LAMA3: variants seen among roughly 807,000 people sequenced by gnomAD.
LAMA3 encodes laminin subunit alpha-3.
A neutral mutation model predicts 402.0 loss-of-function variants in LAMA3; 281 were observed. That is an observed-to-expected ratio of 0.70 (90% CI 0.63 to 0.77). The LOEUF is 0.77. Ranked by LOEUF, LAMA3 falls within the 30% of genes least tolerant of loss-of-function variation. The pLI is 0.00. For missense variants in LAMA3, 3,840 were observed against 4,215.5 expected (o/e 0.91, Z 2.47); for synonymous variants, 1,431 against 1,558.4 (o/e 0.92, Z 1.93).
chr18:23,706,162 C>T (rs976633723), intron 1 of LAMA3, among the ~76,000 whole-genome samples: 2 of 152,030 alleles, frequency 1.3e-5, no homozygotes, highest in African/African-American at 4.8e-5. Context: ...TTCATTTACT[C>T]ATTATTGCTT....
intron 11 of LAMA3, among the ~76,000 whole-genome samples, chr18:23,778,897 C>A (rs2143939672): frequency 6.6e-6 from 1 of 152,254 alleles, no homozygotes. Context: ...CTGGAGGCAG[C>A]CTTGGTGATA....
At chr18:23,928,269 G>A (rs781186890) in intron 63 of LAMA3, 29 bp downstream of exon 63, 92 of 1,418,122 alleles carry the variant, frequency 6.5e-5, no homozygotes, top group Admixed American at 1.0e-4. Context: ...CCTCGTGAAG[G>A]AGTGCTTCCC....
chr18:23,847,742 G>C (rs567258395), intron 32 of LAMA3, 74 bp downstream of exon 32: 5 of 1,452,904 alleles, frequency 3.4e-6, no homozygotes, highest in Non-Finnish European at 4.7e-6. Context: ...ACTGGTCATC[G>C]TCACTTTCCA....
At chr18:23,837,134 A>G in intron 25 of LAMA3, 45 bp downstream of exon 25, 1 of 1,326,496 alleles carries the variant, frequency 7.5e-7, no homozygotes, top group South Asian at 1.2e-5. Flanking sequence ...CATTTTGCTG[A>G]TATCTATATT....
chr18:23,761,081 A>G (rs546945520), intron 7 of LAMA3, among the ~76,000 whole-genome samples: 1 of 152,218 alleles, frequency 6.6e-6, no homozygotes, highest in Admixed American at 6.5e-5. Flanking sequence ...ACATACTTTA[A>G]ATACTCAAGA....
intron 12 of LAMA3, among the ~76,000 whole-genome samples, chr18:23,784,982 A>C (rs2062514360): frequency 6.6e-6 from 1 of 152,232 alleles, no homozygotes; most frequent in Non-Finnish European, 1.5e-5. Flanking sequence ...GGAGTTGTTA[A>C]GAGCCAGAGC....
intron 40 of LAMA3, among the ~76,000 whole-genome samples, chr18:23,883,028 GCT>G (rs2064953250): frequency 6.6e-6 from 1 of 152,190 alleles, no homozygotes; most frequent in Non-Finnish European, 1.5e-5. Context: ...TGGCCACGAG[GCT>G]CCTAGACAAG....
At chr18:23,901,704 T>C (rs536170481) in intron 48 of LAMA3, among the ~76,000 whole-genome samples, 2 of 152,358 alleles carry the variant, frequency 1.3e-5, no homozygotes, top group East Asian at 3.9e-4. Flanking sequence ...TTAATGAACA[T>C]AATTATCATA....
intron 8 of LAMA3, among the ~76,000 whole-genome samples, chr18:23,764,756 T>G (rs2062041319): frequency 6.6e-6 from 1 of 152,184 alleles, no homozygotes; most frequent in Non-Finnish European, 1.5e-5. Context: ...AACATAAAAT[T>G]TACCATTTTA....
chr18:23,808,285 A>C (rs189287954), intron 12 of LAMA3, among the ~76,000 whole-genome samples: 1 of 152,208 alleles, frequency 6.6e-6, no homozygotes, highest in East Asian at 1.9e-4. Flanking sequence ...TATAAATTAA[A>C]TTTCTAGATT....
Position 23,815,449 on chromosome 18 carries a change from C to T in LAMA3, c.1942-19C>T, listed in dbSNP as rs779567142. ...CTGTAATTATATCAAATGTTGTCATCTGGCTCACTGTTCTGCAGGGAGATG... is the reference window on the plus strand; with the variant it reads ...CTGTAATTATATCAAATGTTGTCATTTGGCTCACTGTTCTGCAGGGAGATG... On this transcript the variant is annotated intron_variant, in intron 16 of 74. Coordinates refer to ENST00000313654, the MANE Select transcript of LAMA3 (RefSeq NM_198129.4). 6.3e-7 allele frequency: 1 copy of T among 1,593,272 alleles called. No homozygotes were observed. The highest frequency in any genetic ancestry group is 1.1e-5 in the South Asian group (1 of 90,668).
chr18:23,921,735 A>T, intron 62 of LAMA3, 150 bp downstream of exon 62: 2 of 760,702 alleles, frequency 2.6e-6, no homozygotes, highest in Non-Finnish European at 4.5e-6. Flanking sequence ...CAACAGAATA[A>T]AACAGATTTA....
In LAMA3 at chr18:23,901,343, T is replaced by C. The variant is rs2081064869; in HGVS notation, c.6201+20T>C. ...ATTCAGGTGAGTTCACAGTTTGAAG[T>C]TGCACACTTTCGTTAATAAGGATGA... On this transcript the variant is annotated intron_variant, in intron 48 of 74. Coordinates refer to ENST00000313654, the MANE Select transcript of LAMA3 (RefSeq NM_198129.4). 1 of 1,600,958 alleles carries C rather than the reference T, an allele frequency of 6.2e-7. No individual in the cohort carries two copies. Among genetic ancestry groups the C allele is most frequent in the African/African-American group, 1.3e-5 (1 of 74,742 alleles).
At chr18:23,865,756 C>T (rs1013766323) in intron 36 of LAMA3, among the ~76,000 whole-genome samples, 1 of 152,094 alleles carries the variant, frequency 6.6e-6, no homozygotes, top group African/African-American at 2.4e-5. Flanking sequence ...AAGAGAAGTG[C>T]CCTTCCAGGG....
chr18:23,893,690 C>T (rs995483702), intron 42 of LAMA3, among the ~76,000 whole-genome samples: 4 of 152,190 alleles, frequency 2.6e-5, no homozygotes, highest in African/African-American at 9.7e-5. Flanking sequence ...ACATCTGTCA[C>T]ACTGTTTTGT....
intron 38 of LAMA3, 150 bp from the exon 39 acceptor site, chr18:23,876,144 T>G (rs1054688831): frequency 4.6e-6 from 3 of 655,404 alleles, no homozygotes; most frequent in Non-Finnish European, 8.4e-6. Context: ...CACCTGTGAA[T>G]AGTCACTACA....
intron 48 of LAMA3, among the ~76,000 whole-genome samples, chr18:23,902,488 G>A (rs1216010342): frequency 6.6e-6 from 1 of 152,184 alleles, no homozygotes; most frequent in Non-Finnish European, 1.5e-5. Context: ...TCCATGCTTA[G>A]CTCCCAAAGC....
At position 23,879,552 on chromosome 18, in the gene LAMA3, G is replaced by A. The variant is rs1260610001; in HGVS notation, c.5113-2384G>A. Among the ~76,000 whole-genome samples, 1 of 152,206 alleles carries A rather than the reference G, an allele frequency of 6.6e-6. No individual in the cohort carries two copies. The highest frequency in any genetic ancestry group is 1.5e-5 in the Non-Finnish European group (1 of 68,038). ...GGACCAACCCTTCTTTACATCGCTA[G>A]AGCCTAGCATAGTTGGGCATATAGT... On this transcript the variant is annotated intron_variant, in intron 39 of 74. Transcript: ENST00000313654. This position sits in a 1 kb window ranked among gnomAD's most constrained non-coding sequence, Gnocchi z 4.2.
At chr18:23,910,662 A>G (rs1214080942) in intron 55 of LAMA3, among the ~76,000 whole-genome samples, 1 of 152,240 alleles carries the variant, frequency 6.6e-6, no homozygotes, top group African/African-American at 2.4e-5. Context: ...ACAGACATGG[A>G]TAAGAATGTT....
Sources: gnomAD v4.1 joint callset for allele counts (sites outside exome capture counted in the v4.1 genomes callset) on GRCh38, gnomAD v4.1.1 for gene constraint, Gnocchi (gnomAD v3.1) non-coding constraint, MANE v1.5 for transcripts, NCBI Gene and HGNC (gene_info 2026-07-23, HGNC 2026-07-21) for gene names.